Variants in ALOX5AP observed in about 807,000 individuals in gnomAD.
ALOX5AP encodes the protein arachidonate 5-lipoxygenase-activating protein.
ALOX5AP carries 9 observed loss-of-function variants against 18.5 expected under a neutral mutation model. The observed-to-expected ratio is 0.49, with a 90% CI of 0.29 to 0.85. The LOEUF (loss-of-function observed/expected upper bound fraction) is 0.85. Ranked by LOEUF, ALOX5AP falls within the 40% of genes least tolerant of loss-of-function variation. ALOX5AP has a pLI of 0.08. For missense variants in ALOX5AP, 172 were observed against 202.5 expected, an observed-to-expected ratio of 0.85 and a Z score of 0.91; for synonymous variants, 81 against 78.6, an observed-to-expected ratio of 1.03 and a Z score of -0.16.
At chr13:30,723,487 G>A (rs1030900351) in intron 1 of ALOX5AP, among the ~76,000 whole-genome samples, 1 of 152,168 alleles carries the variant, frequency 6.6e-6, no homozygotes, top group Non-Finnish European at 1.5e-5. Context: ...AGAGGAATAA[G>A]GGATATATAA....
Position 30,756,509 on chromosome 13 carries a change from G to A in ALOX5AP, c.323+484G>A, listed in dbSNP as rs17245596. ...AAGAATGTTGGGAAAATAAGATGCA[G>A]TAAGATGCAGACATGACAGCAGGGT... is the stretch of plus-strand genomic sequence containing the variant. On this transcript the variant is annotated intron_variant, in intron 4 of 4. Transcript: ENST00000380490. Among the ~76,000 whole-genome samples, 1,376 of 152,302 alleles carry A rather than the reference G, an allele frequency of 9.0e-3. 24 individuals carry two copies. The highest frequency in any genetic ancestry group is 0.031 in the African/African-American group (1,295 of 41,568).
At chr13:30,750,082 C>T (rs1207435724) in intron 2 of ALOX5AP, among the ~76,000 whole-genome samples, 1 of 152,158 alleles carries the variant, frequency 6.6e-6, no homozygotes, top group Non-Finnish European at 1.5e-5. Context: ...TGGGCCCCAA[C>T]ACAGAGTTTT....
At chr13:30,755,885 C>A in intron 3 of ALOX5AP, 59 bp from the exon 4 acceptor site, 1 of 1,539,306 alleles carries the variant, frequency 6.5e-7, no homozygotes, top group Non-Finnish European at 9.0e-7. Context: ...CCTAATTGGG[C>A]TAACAGCATG....
chr13:30,718,382 C>CATATAT (rs59562797), intron 1 of ALOX5AP, among the ~76,000 whole-genome samples: 23,108 of 139,146 alleles, frequency 0.17, 2,086 homozygotes, highest in Admixed American at 0.23. Flanking sequence ...CACAGATATG[C>CATATAT]ATATATATAT....
chr13:30,718,415 A>G (rs1036653614), intron 1 of ALOX5AP, among the ~76,000 whole-genome samples: 7 of 148,102 alleles, frequency 4.7e-5, no homozygotes, highest in African/African-American at 1.5e-4. Flanking sequence ...ATGCATATCT[A>G]TAATAACTCC....
intron 1 of ALOX5AP, among the ~76,000 whole-genome samples, chr13:30,726,026 A>G (rs1951636760): frequency 6.6e-6 from 1 of 152,202 alleles, no homozygotes; most frequent in South Asian, 2.1e-4. Context: ...CATGGGGTCA[A>G]AATGGGAGTG....
At chr13:30,751,092 C>T (rs1347608000) in intron 2 of ALOX5AP, among the ~76,000 whole-genome samples, 1 of 152,162 alleles carries the variant, frequency 6.6e-6, no homozygotes, top group Non-Finnish European at 1.5e-5. Context: ...GAGACAGAGT[C>T]TTGCTCTGTT....
chr13:30,755,418 A>G (rs1951885178), intron 3 of ALOX5AP, among the ~76,000 whole-genome samples: 1 of 152,156 alleles, frequency 6.6e-6, no homozygotes, highest in Non-Finnish European at 1.5e-5. Flanking sequence ...AGCCTGGTTG[A>G]CCACCTGAAC....
At chr13:30,728,958 C>A (rs1019399188) in intron 1 of ALOX5AP, among the ~76,000 whole-genome samples, 16 of 152,212 alleles carry the variant, frequency 1.1e-4, no homozygotes, top group Non-Finnish European at 2.1e-4. Context: ...GTTCCAGTTG[C>A]TCCATACCCT....
At chr13:30,744,462 G>C (rs978246515) in intron 2 of ALOX5AP, 1 of 267,362 alleles carries the variant, frequency 3.7e-6, no homozygotes, top group South Asian at 4.6e-5. Flanking sequence ...CCTATTTCCT[G>C]TGGGGTTAGA....
rs1435599026 is a variant in ALOX5AP, at chr13:30,744,103, T to C, written c.114T>C (p.Asn38=). The change falls in exon 2 of 5, where the codon AAT becomes AAC. Residue 38 remains asparagine, a synonymous_variant. Transcript: ENST00000380490. The part of the protein sequence containing the change: ...HKVEHESRTQ[N]GRSFQRTGTL... The stretch of plus-strand genomic sequence containing the variant: ...TGGAGCACGAAAGCAGGACCCAGAA[T>C]GGGAGGAGCTTCCAGAGGACCGGAA... 1.2e-5 allele frequency: 20 copies of C among 1,614,128 alleles called. No homozygotes were observed. Among genetic ancestry groups the C allele is most frequent in the Non-Finnish European group, 1.7e-5 (20 of 1,180,000 alleles).
chr13:30,728,094 T>C (rs1326829496), intron 1 of ALOX5AP, among the ~76,000 whole-genome samples: 4 of 152,198 alleles, frequency 2.6e-5, no homozygotes, highest in African/African-American at 7.2e-5. Flanking sequence ...GATGGGCTCC[T>C]AATTCAATAC....
intron 1 of ALOX5AP, among the ~76,000 whole-genome samples, chr13:30,741,570 G>A (rs1951765861): frequency 1.1e-5 from 1 of 94,898 alleles, no homozygotes; most frequent in Admixed American, 1.4e-4. Context: ...CCCAACAACT[G>A]GCTAATTTTT....
chr13:30,724,684 A>C (rs550186984), intron 1 of ALOX5AP, among the ~76,000 whole-genome samples: 15 of 152,308 alleles, frequency 9.8e-5, no homozygotes, highest in South Asian at 4.1e-4. Context: ...TCAATAATAA[A>C]CACAGAATGC....
intron 2 of ALOX5AP, among the ~76,000 whole-genome samples, chr13:30,750,420 G>A (rs988255818): frequency 2.6e-5 from 4 of 152,060 alleles, no homozygotes; most frequent in African/African-American, 9.7e-5. Context: ...TCATGGATGG[G>A]CATATTTATT....
intron 1 of ALOX5AP, among the ~76,000 whole-genome samples, chr13:30,728,707 G>A (rs1319332881): frequency 2.0e-5 from 3 of 152,162 alleles, no homozygotes; most frequent in Admixed American, 6.5e-5. Flanking sequence ...TATTAGCAGC[G>A]TGTGGTGGTG....
intron 1 of ALOX5AP, among the ~76,000 whole-genome samples, chr13:30,737,680 A>G (rs1010927032): frequency 1.3e-5 from 2 of 151,774 alleles, no homozygotes; most frequent in African/African-American, 4.8e-5. Flanking sequence ...TGGCCTGCAC[A>G]TCACTGCCTC....
intron 1 of ALOX5AP, among the ~76,000 whole-genome samples, chr13:30,716,590 T>C (rs1388251931): frequency 6.6e-6 from 1 of 152,210 alleles, no homozygotes; most frequent in Non-Finnish European, 1.5e-5. Flanking sequence ...CCTTAGTCAT[T>C]GGCTAAAATA....
intron 3 of ALOX5AP, among the ~76,000 whole-genome samples, chr13:30,755,422 C>T (rs953891367): frequency 3.9e-5 from 6 of 152,192 alleles, no homozygotes; most frequent in South Asian, 2.1e-4. Flanking sequence ...TGGTTGACCA[C>T]CTGAACCCAC....
Sources: allele counts gnomAD v4.1 joint callset (sites outside exome capture counted in the v4.1 genomes callset), GRCh38; gene constraint gnomAD v4.1.1; transcripts MANE v1.5; gene names NCBI Gene and HGNC (gene_info 2026-07-23, HGNC 2026-07-21).